The following EML1 variants were observed in gnomAD, a reference collection of about 807,000 sequenced individuals.
The protein encoded by EML1 is EMAP like 1.
Under a neutral mutation model 110.4 loss-of-function variants are expected in EML1, and 27 were observed. That is an observed-to-expected ratio of 0.24 (90% CI 0.18 to 0.34). The LOEUF (loss-of-function observed/expected upper bound fraction) is 0.34. Ranked by LOEUF, EML1 falls within the 10% of genes least tolerant of loss-of-function variation. The pLI, the probability that EML1 is intolerant of heterozygous loss-of-function variation, is 1.00. For synonymous variants in EML1, 344 were observed against 385.8 expected, an observed-to-expected ratio of 0.89 and a Z score of 1.27; for missense variants, 741 against 1,030.9, an observed-to-expected ratio of 0.72 and a Z score of 3.85.
Position 99,939,378 on chromosome 14 carries a change from A to G in EML1, c.2322+51A>G. On this transcript the variant is annotated intron_variant, in intron 21 of 21. Coordinates refer to ENST00000262233, the MANE Select transcript of EML1 (RefSeq NM_004434.3). This position sits in a 1 kb window ranked among gnomAD's most constrained non-coding sequence, Gnocchi z 4.2. ...CTTATCCCCCATGGGGCATGCACGT[A>G]CACCCGACCTGTTTGGAGACTAAGT... The G allele has an allele frequency of 6.2e-7, 1 of 1,603,004 alleles. No homozygotes were observed. The highest frequency in any genetic ancestry group is 8.5e-7 in the Non-Finnish European group (1 of 1,173,162).
rs1197528247 is a variant in EML1 at position 99,936,630 on chromosome 14, G to A, written c.2095+296G>A. 6.6e-6 allele frequency among the ~76,000 whole-genome samples: 1 copy of A among 152,142 alleles called. No individual in the cohort carries two copies. Among genetic ancestry groups the A allele is most frequent in the African/African-American group, 2.4e-5 (1 of 41,422 alleles). On this transcript the variant is annotated intron_variant, in intron 19 of 21. Transcript: ENST00000262233. The surrounding 1 kb of genome is among the most constrained non-coding windows in gnomAD (Gnocchi z 5.5). ...TGGGGCAGGCGGATGTGGCAGAAGGGGGCGGGTCCGGGTGGATGTGGCCGA... is the reference window on the plus strand; with the variant it reads ...TGGGGCAGGCGGATGTGGCAGAAGGAGGCGGGTCCGGGTGGATGTGGCCGA...
intron 1 of EML1, among the ~76,000 whole-genome samples, chr14:99,835,976 G>C (rs1046741398): frequency 2.4e-4 from 37 of 152,130 alleles, no homozygotes; most frequent in African/African-American, 8.7e-4. Flanking sequence ...CAGTTCTCCA[G>C]CTTTTTACTC....
At chr14:99,872,530 C>G (rs2059223256) in intron 3 of EML1, among the ~76,000 whole-genome samples, 1 of 152,144 alleles carries the variant, frequency 6.6e-6, no homozygotes, top group Non-Finnish European at 1.5e-5. Context: ...ACTAGAAATA[C>G]ATATTTTTCT....
chr14:99,836,564 A>G (rs1446295783), intron 1 of EML1, among the ~76,000 whole-genome samples: 3 of 152,176 alleles, frequency 2.0e-5, no homozygotes, highest in Non-Finnish European at 4.4e-5. Flanking sequence ...TATATAGTAT[A>G]GTCATAATAA....
Position 99,784,763 on chromosome 14 carries a change from G to C in EML1, c.-27+10750G>C, listed in dbSNP as rs1386900448. 6.6e-6 allele frequency among the ~76,000 whole-genome samples: 1 copy of C among 152,204 alleles called. No homozygotes were observed. The highest frequency in any genetic ancestry group is 2.4e-5 in the African/African-American group (1 of 41,448). ...GAAAACAAGGAGCTGGCTTCACCAGGCTGACAAGGTCTCACCTTCATAAGA... is the reference window on the plus strand; with the variant it reads ...GAAAACAAGGAGCTGGCTTCACCAGCCTGACAAGGTCTCACCTTCATAAGA... On this transcript the variant is annotated intron_variant, in intron 1 of 22. Transcript: ENST00000327921. The surrounding 1 kb of genome is among the most constrained non-coding windows in gnomAD (Gnocchi z 4.5).
chr14:99,805,126 C>T (rs762759421), intron 1 of EML1, among the ~76,000 whole-genome samples: 1 of 152,288 alleles, frequency 6.6e-6, no homozygotes, highest in South Asian at 2.1e-4. Flanking sequence ...TAGATGTAGG[C>T]GCAGCTCACT....
intron 2 of EML1, among the ~76,000 whole-genome samples, chr14:99,857,938 T>A (rs374053324): frequency 1.3e-5 from 2 of 152,206 alleles, no homozygotes; most frequent in Non-Finnish European, 2.9e-5. Flanking sequence ...CCTAGACCCA[T>A]GCCTAAGAAT....
chr14:99,839,729 A>G (rs907203660), intron 1 of EML1, among the ~76,000 whole-genome samples: 1 of 152,238 alleles, frequency 6.6e-6, no homozygotes. Flanking sequence ...TTATGTGAAC[A>G]TTAGTTCTTG....
In EML1 at chr14:99,775,997, A is replaced by G. The variant is rs557218534; in HGVS notation, c.-27+1984A>G. On this transcript the variant is annotated intron_variant, in intron 1 of 22. Coordinates refer to the EML1 transcript ENST00000327921. ...ATGTTTATATTCTTCCAGCTAAAAC[A>G]TGATTTTTCAAAACTATGGCTGTCT... Among the ~76,000 whole-genome samples the G allele has an allele frequency of 1.2e-3, 178 of 152,346 alleles. 1 individual carries two copies. The highest frequency in any genetic ancestry group is 2.2e-3 in the Non-Finnish European group (149 of 68,032).
chr14:99,908,467 G>A (rs955100867), intron 10 of EML1, among the ~76,000 whole-genome samples: 5 of 152,214 alleles, frequency 3.3e-5, no homozygotes, highest in South Asian at 2.1e-4. Context: ...GGCAGACCTT[G>A]TATTCTAACC....
intron 4 of EML1, among the ~76,000 whole-genome samples, chr14:99,882,818 A>G (rs1387426696): frequency 1.4e-5 from 2 of 146,962 alleles, no homozygotes; most frequent in Admixed American, 6.7e-5. Context: ...GGAGTCAACA[A>G]ACATGAAAAA....
chr14:99,762,954 G>C (rs1354600154), intron 1 of EML1, among the ~76,000 whole-genome samples: 4 of 152,122 alleles, frequency 2.6e-5, no homozygotes, highest in Admixed American at 1.3e-4. Flanking sequence ...ATATGCTTTG[G>C]CTGTGTCCCC....
chr14:99,760,872 T>A (rs2057307612), intron 1 of EML1, among the ~76,000 whole-genome samples: 1 of 151,992 alleles, frequency 6.6e-6, no homozygotes, highest in Non-Finnish European at 1.5e-5. Flanking sequence ...CACAGCTCTG[T>A]CTCATTCAAG....
At chr14:99,833,525 G>A (rs2058493849) in intron 1 of EML1, among the ~76,000 whole-genome samples, 1 of 152,002 alleles carries the variant, frequency 6.6e-6, no homozygotes, top group Admixed American at 6.6e-5. Flanking sequence ...AATCCTGCTG[G>A]GATTTTTATT....
chr14:99,928,600 A>T (rs568018581), intron 17 of EML1, among the ~76,000 whole-genome samples: 1 of 152,160 alleles, frequency 6.6e-6, no homozygotes, highest in Non-Finnish European at 1.5e-5. Context: ...CCATTTGGCT[A>T]TGCTGACACT....
At chr14:99,878,725 C>CAA (rs2059336526) in intron 4 of EML1, 106 bp downstream of exon 4, 1 of 1,464,362 alleles carries the variant, frequency 6.8e-7, no homozygotes, top group African/African-American at 1.4e-5. Flanking sequence ...GCTGGGAGTA[C>CAA]TCTTGGAGAA....
chr14:99,878,723 TACTC>T (rs2059336413), intron 4 of EML1, 104 bp downstream of exon 4: 1 of 1,473,366 alleles, frequency 6.8e-7, no homozygotes, highest in Admixed American at 2.3e-5. Context: ...AAGCTGGGAG[TACTC>T]TTGGAGAAGA....
At chr14:99,762,666 T>G (rs8008821) in intron 1 of EML1, among the ~76,000 whole-genome samples, 145,237 of 152,216 alleles carry the variant, frequency 0.95, 69,408 homozygotes, top group East Asian at 1. Context: ...AGGTGTGGTG[T>G]CACATGCCTG....
intron 8 of EML1, 30 bp from the exon 9 acceptor site, chr14:99,900,899 T>C (rs781635280): frequency 3.8e-6 from 6 of 1,576,946 alleles, no homozygotes; most frequent in Non-Finnish European, 5.2e-6. Context: ...ACCATCACAA[T>C]TGATGGCTCT....
Sources: gnomAD v4.1 joint callset for allele counts (sites outside exome capture counted in the v4.1 genomes callset) on GRCh38, gnomAD v4.1.1 for gene constraint, Gnocchi (gnomAD v3.1) non-coding constraint, MANE v1.5 for transcripts, NCBI Gene and HGNC (gene_info 2026-07-23, HGNC 2026-07-21) for gene names.